Variants in MAML2 observed in about 807,000 individuals in gnomAD.
MAML2 encodes the protein mastermind-like protein 2.
MAML2 carries 22 observed loss-of-function variants against 96.1 expected under a neutral mutation model. The observed-to-expected ratio is 0.23, with a 90% CI of 0.16 to 0.33. MAML2 has a LOEUF of 0.33. MAML2 is among the 10% of genes least tolerant of loss of function. The pLI, the probability that MAML2 is intolerant of heterozygous loss-of-function variation, is 1.00. For missense variants in MAML2, 1,367 were observed against 1,392.4 expected, an observed-to-expected ratio of 0.98 and a Z score of 0.29; for synonymous variants, 561 against 521.3, an observed-to-expected ratio of 1.08 and a Z score of -1.04.
chr11:96,082,871 G>A (rs4294528), intron 2 of MAML2, among the ~76,000 whole-genome samples: 14,686 of 152,198 alleles, frequency 0.096, 1,594 homozygotes, highest in East Asian at 0.51. Flanking sequence ...GGAAGGGAGA[G>A]AGGAAGTATG....
chr11:95,988,619 G>A (rs1302590402), intron 3 of MAML2, among the ~76,000 whole-genome samples: 1 of 147,872 alleles, frequency 6.8e-6, no homozygotes, highest in Non-Finnish European at 1.5e-5. Context: ...TATATATCCA[G>A]AAATTTAGGT....
intron 1 of MAML2, among the ~76,000 whole-genome samples, chr11:96,124,966 T>C (rs1254696816): frequency 6.6e-6 from 1 of 152,354 alleles, no homozygotes; most frequent in Middle Eastern, 3.4e-3. Context: ...GAATGAGTGA[T>C]GGCCGCATTA....
intron 2 of MAML2, among the ~76,000 whole-genome samples, chr11:96,019,336 CTT>C (rs1858401292): frequency 6.6e-6 from 1 of 152,042 alleles, no homozygotes; most frequent in African/African-American, 2.4e-5. Context: ...CAGTGATAGT[CTT>C]TGGCTATCAT....
At chr11:96,023,154 G>T (rs372841205) in intron 2 of MAML2, among the ~76,000 whole-genome samples, 1 of 152,290 alleles carries the variant, frequency 6.6e-6, no homozygotes, top group South Asian at 2.1e-4. Flanking sequence ...TCCCTGGCAG[G>T]CCACTCAGCC....
chr11:96,004,611 T>C (rs976092592), intron 2 of MAML2, among the ~76,000 whole-genome samples: 1 of 152,096 alleles, frequency 6.6e-6, no homozygotes, highest in Non-Finnish European at 1.5e-5. Context: ...ATTGTAATGA[T>C]GAAAAAAAAT....
chr11:96,303,558 T>C (rs990602012), intron 1 of MAML2, among the ~76,000 whole-genome samples: 20 of 152,098 alleles, frequency 1.3e-4, no homozygotes, highest in Admixed American at 4.6e-4. Flanking sequence ...CCCATATAAA[T>C]TTTTTATAAT....
At chr11:96,015,759 G>A (rs1858341617) in intron 2 of MAML2, among the ~76,000 whole-genome samples, 1 of 152,080 alleles carries the variant, frequency 6.6e-6, no homozygotes, top group Admixed American at 6.5e-5. Flanking sequence ...GACAGACCTG[G>A]GTTTAAATTC....
At chr11:96,203,645 C>T (rs1861856844) in intron 1 of MAML2, among the ~76,000 whole-genome samples, 1 of 152,154 alleles carries the variant, frequency 6.6e-6, no homozygotes, top group Non-Finnish European at 1.5e-5. Context: ...CAGAGAAATA[C>T]ACTTAAACAC....
intron 1 of MAML2, among the ~76,000 whole-genome samples, chr11:96,120,002 G>C (rs1046830312): frequency 2.3e-5 from 3 of 132,650 alleles, no homozygotes; most frequent in Non-Finnish European, 3.1e-5. Flanking sequence ...CTGTTACCCA[G>C]GCTGGAGTGC....
chr11:96,275,272 T>A (rs1862972216), intron 1 of MAML2, among the ~76,000 whole-genome samples: 2 of 80,484 alleles, frequency 2.5e-5, no homozygotes, highest in African/African-American at 5.8e-5. Context: ...CTAAGGAATT[T>A]TTTTTTTTTT....
intron 3 of MAML2, among the ~76,000 whole-genome samples, chr11:95,990,131 C>G (rs745661643): frequency 1.1e-4 from 16 of 152,094 alleles, no homozygotes; most frequent in Non-Finnish European, 2.2e-4. Context: ...CTTTCCATTA[C>G]ATTTTCTCTT....
At chr11:96,277,589 TAA>T (rs1050261409) in intron 1 of MAML2, among the ~76,000 whole-genome samples, 31 of 151,778 alleles carry the variant, frequency 2.0e-4, no homozygotes, top group African/African-American at 7.5e-4. Flanking sequence ...CCGTCTCTGC[TAA>T]AAATACAAAA....
At chr11:96,234,830 G>GA (rs1421007570) in intron 1 of MAML2, among the ~76,000 whole-genome samples, 1 of 151,978 alleles carries the variant, frequency 6.6e-6, no homozygotes, top group African/African-American at 2.4e-5. Flanking sequence ...TTGTGTTTCT[G>GA]AAAAAAAGAT....
chr11:96,121,780 A>AT (rs543373689), intron 1 of MAML2, among the ~76,000 whole-genome samples: 673 of 35,216 alleles, frequency 0.019, 156 homozygotes, highest in African/African-American at 0.05. Context: ...CAACTGCGTG[A>AT]TTTTTTTTTT....
chr11:96,022,440 G>A (rs1858450582), intron 2 of MAML2, among the ~76,000 whole-genome samples: 1 of 152,350 alleles, frequency 6.6e-6, no homozygotes, highest in South Asian at 2.1e-4. Flanking sequence ...ACAGAGAGCA[G>A]AGGGCTTTTA....
chr11:96,057,560 A>G (rs902816385), intron 2 of MAML2, among the ~76,000 whole-genome samples: 2 of 152,242 alleles, frequency 1.3e-5, no homozygotes, highest in African/African-American at 4.8e-5. Context: ...CTCCTGAATA[A>G]TCTTTTTAAA....
At chr11:96,067,020 G>A (rs1318099263) in intron 2 of MAML2, among the ~76,000 whole-genome samples, 5 of 152,188 alleles carry the variant, frequency 3.3e-5, no homozygotes, top group African/African-American at 1.2e-4. Flanking sequence ...TGCATGATGT[G>A]GTAGGCAGAT....
chr11:95,995,570 G>A (rs534383168), intron 2 of MAML2, among the ~76,000 whole-genome samples: 39 of 152,234 alleles, frequency 2.6e-4, no homozygotes, highest in Non-Finnish European at 4.1e-4. Context: ...AGAGATGTTT[G>A]ATACACTTTA....
chr11:96,241,832 A>G (rs1420902220), intron 1 of MAML2, among the ~76,000 whole-genome samples: 1 of 152,222 alleles, frequency 6.6e-6, no homozygotes, highest in Admixed American at 6.5e-5. Context: ...GCTCTGTTCA[A>G]TCATTTTAGA....
Sources: gnomAD v4.1 joint callset for allele counts (sites outside exome capture counted in the v4.1 genomes callset) on GRCh38, gnomAD v4.1.1 for gene constraint, MANE v1.5 for transcripts, NCBI Gene and HGNC (gene_info 2026-07-23, HGNC 2026-07-21) for gene names.